The following PSD3 variants were observed in gnomAD, a reference collection of about 807,000 sequenced individuals.
PSD3 encodes pleckstrin and Sec7 domain containing 3.
In PSD3, 49 loss-of-function variants were observed where a neutral mutation model predicts 105.5. The ratio of observed to expected loss-of-function variants is 0.46; its 90% CI spans 0.37 to 0.59. PSD3 has a LOEUF of 0.59. Ranked by LOEUF, PSD3 falls within the 20% of genes least tolerant of loss-of-function variation. The pLI, the probability that PSD3 is intolerant of heterozygous loss-of-function variation, is 0.00. For missense variants in PSD3, 1,561 were observed against 1,263.8 expected, an observed-to-expected ratio of 1.24 and a Z score of -3.57; for synonymous variants, 557 against 457.8, an observed-to-expected ratio of 1.22 and a Z score of -2.77.
At chr8:19,008,871 T>C (rs1474448195) in intron 1 of PSD3, among the ~76,000 whole-genome samples, 1 of 152,166 alleles carries the variant, frequency 6.6e-6, no homozygotes, top group Non-Finnish European at 1.5e-5. Flanking sequence ...TGTTTCAAGC[T>C]CCTTTTCTTA....
chr8:18,854,533 AT>A, intron 4 of PSD3, among the ~76,000 whole-genome samples: 1 of 152,222 alleles, frequency 6.6e-6, no homozygotes, highest in East Asian at 1.9e-4. Flanking sequence ...GAAAGGAGAC[AT>A]TTGTCCAGCA....
intron 1 of PSD3, among the ~76,000 whole-genome samples, chr8:19,057,106 C>A (rs746734635): frequency 6.6e-6 from 1 of 152,160 alleles, no homozygotes; most frequent in Non-Finnish European, 1.5e-5. Flanking sequence ...CTCAATCCTG[C>A]ATCAACAGCA....
chr8:18,970,345 A>AAAAG (rs1563474706), intron 1 of PSD3, among the ~76,000 whole-genome samples: 4 of 145,128 alleles, frequency 2.8e-5, no homozygotes, highest in African/African-American at 1.1e-4. Context: ...AAAAAAAAAA[A>AAAAG]AAACAAAGAA....
intron 9 of PSD3, among the ~76,000 whole-genome samples, chr8:18,761,800 AC>A (rs1806562605): frequency 6.6e-6 from 1 of 152,106 alleles, no homozygotes; most frequent in African/African-American, 2.4e-5. Context: ...ACCACATCCA[AC>A]CGCTGGGATG....
At chr8:18,917,621 C>A (rs1197221475) in intron 2 of PSD3, among the ~76,000 whole-genome samples, 1 of 152,144 alleles carries the variant, frequency 6.6e-6, no homozygotes, top group African/African-American at 2.4e-5. Flanking sequence ...TTCCAAGAAC[C>A]TATCAAGGAT....
At chr8:18,716,126 C>CTA (rs1306128265) in intron 9 of PSD3, among the ~76,000 whole-genome samples, 8 of 152,134 alleles carry the variant, frequency 5.3e-5, no homozygotes, top group Non-Finnish European at 5.9e-5. Flanking sequence ...AGAACAAAAT[C>CTA]TAGTTAGCTA....
intron 12 of PSD3, among the ~76,000 whole-genome samples, chr8:18,593,417 C>A (rs1355545603): frequency 6.6e-6 from 1 of 152,188 alleles, no homozygotes; most frequent in Non-Finnish European, 1.5e-5. Context: ...ATCAAAACCA[C>A]AATGAGATAT....
At chr8:18,882,868 C>G (rs551835076) in intron 2 of PSD3, among the ~76,000 whole-genome samples, 1 of 151,716 alleles carries the variant, frequency 6.6e-6, no homozygotes, top group African/African-American at 2.4e-5. Flanking sequence ...CACACACGCA[C>G]GCACACACAC....
chr8:18,809,437 G>T, intron 4 of PSD3, among the ~76,000 whole-genome samples: 1 of 152,078 alleles, frequency 6.6e-6, no homozygotes, highest in South Asian at 2.1e-4. Flanking sequence ...TGATCACCAT[G>T]CCTTCTCACA....
chr8:18,986,636 C>A (rs1479285417), intron 1 of PSD3, among the ~76,000 whole-genome samples: 1 of 151,642 alleles, frequency 6.6e-6, no homozygotes, highest in African/African-American at 2.4e-5. Flanking sequence ...ATTTCCTTAT[C>A]CGGTCAGCAG....
intron 9 of PSD3, among the ~76,000 whole-genome samples, chr8:18,664,777 G>T (rs11203979): frequency 1.3e-5 from 2 of 152,128 alleles, no homozygotes; most frequent in Admixed American, 1.3e-4. Flanking sequence ...CTTCTTAGGG[G>T]CAATGGGGCA....
At chr8:18,700,893 T>C (rs1212356340) in intron 9 of PSD3, among the ~76,000 whole-genome samples, 1 of 152,190 alleles carries the variant, frequency 6.6e-6, no homozygotes, top group African/African-American at 2.4e-5. Flanking sequence ...CCTCAGTTTA[T>C]ATATCTGTAC....
intron 1 of PSD3, among the ~76,000 whole-genome samples, chr8:19,035,662 C>G (rs1260598246): frequency 6.7e-6 from 1 of 149,828 alleles, no homozygotes; most frequent in Non-Finnish European, 1.5e-5. Flanking sequence ...TTTTTTTGGC[C>G]AAATTTTAAC....
chr8:18,708,322 T>A (rs997523722), intron 9 of PSD3, among the ~76,000 whole-genome samples: 2 of 152,210 alleles, frequency 1.3e-5, no homozygotes, highest in African/African-American at 4.8e-5. Flanking sequence ...AATAAGAGAC[T>A]GTGGTAAAGC....
intron 10 of PSD3, among the ~76,000 whole-genome samples, chr8:18,648,375 G>C (rs777819976): frequency 3.3e-5 from 5 of 151,938 alleles, no homozygotes; most frequent in Non-Finnish European, 7.4e-5. Context: ...TTGTTATGCG[G>C]AAGCAAAGAA....
chr8:18,803,480 A>G (rs1810916281), intron 6 of PSD3, among the ~76,000 whole-genome samples: 1 of 151,584 alleles, frequency 6.6e-6, no homozygotes, highest in Non-Finnish European at 1.5e-5. Flanking sequence ...AGGGTCTTGA[A>G]GAAATATTTG....
chr8:18,563,606 C>T (rs570890459), intron 14 of PSD3, among the ~76,000 whole-genome samples: 1 of 152,208 alleles, frequency 6.6e-6, no homozygotes, highest in Non-Finnish European at 1.5e-5. Context: ...CAGCTTTAGA[C>T]CTTAAACACA....
intron 9 of PSD3, among the ~76,000 whole-genome samples, chr8:18,752,593 TTATATATTATATATAATAC>T (rs1805666457): frequency 1.2e-5 from 1 of 80,186 alleles, no homozygotes; most frequent in African/African-American, 6.9e-5. Flanking sequence ...ATATTATATA[TTATATATTATATATAATAC>T]ATATAATATA....
chr8:18,765,684 T>A (rs1167591987), intron 8 of PSD3, 146 bp from the exon 9 acceptor site: 1 of 687,884 alleles, frequency 1.5e-6, no homozygotes, highest in African/African-American at 1.8e-5. Flanking sequence ...TTCCACACTT[T>A]GGGAGGCCGA....
Sources: allele counts gnomAD v4.1 joint callset (sites outside exome capture counted in the v4.1 genomes callset), GRCh38; gene constraint gnomAD v4.1.1; transcripts MANE v1.5; gene names NCBI Gene and HGNC (gene_info 2026-07-23, HGNC 2026-07-21).